Variants in OSBPL8 observed in about 807,000 individuals in gnomAD.
OSBPL8 encodes oxysterol binding protein like 8.
OSBPL8 carries 59 observed loss-of-function variants against 125.5 expected under a neutral mutation model. The ratio of observed to expected loss-of-function variants is 0.47; its 90% CI spans 0.38 to 0.58. OSBPL8 has a LOEUF of 0.58. Ranked by LOEUF, OSBPL8 falls within the 20% of genes least tolerant of loss-of-function variation. The probability of loss-of-function intolerance (pLI) is 0.00; values close to 1 mark genes in which losing one functional copy is unlikely to be tolerated. For missense variants in OSBPL8, 758 were observed against 1,047.8 expected (o/e 0.72, Z 3.82); for synonymous variants, 330 against 338.9 (o/e 0.97, Z 0.29).
At chr12:76,501,114 T>C (rs571659483) in intron 1 of OSBPL8, among the ~76,000 whole-genome samples, 151 of 148,458 alleles carry the variant, frequency 1.0e-3, no homozygotes, top group South Asian at 4.2e-3. Flanking sequence ...CACACACACA[T>C]AGACACATAT....
intron 6 of OSBPL8, among the ~76,000 whole-genome samples, chr12:76,400,981 G>T (rs1954029746): frequency 6.6e-6 from 1 of 151,664 alleles, no homozygotes; most frequent in Admixed American, 6.6e-5. Context: ...TAGAGATGGG[G>T]TTTCACTATG....
At position 76,540,595 on chromosome 12, in the gene OSBPL8, G is replaced by T. The variant is rs111307745; in HGVS notation, c.-68+18802C>A. ...AGGTGGGCTATTTCAGACATAAAGT[G>T]GTGGCAACAGAAGCCAACTTAATGA... On this transcript the variant is annotated intron_variant, in intron 1 of 23. Transcript: ENST00000261183. Among the ~76,000 whole-genome samples, 1,238 of 151,156 alleles carry T rather than the reference G, an allele frequency of 8.2e-3. 15 individuals are homozygous for T. The highest frequency in any genetic ancestry group is 0.029 in the African/African-American group (1,175 of 41,090).
At chr12:76,367,694 C>T (rs1458187946) in intron 21 of OSBPL8, among the ~76,000 whole-genome samples, 1 of 152,056 alleles carries the variant, frequency 6.6e-6, no homozygotes, top group Non-Finnish European at 1.5e-5. Context: ...CAATTCCCTT[C>T]TCATTTTCTT....
intron 1 of OSBPL8, among the ~76,000 whole-genome samples, chr12:76,543,980 C>T (rs372424895): frequency 1.3e-5 from 2 of 152,110 alleles, no homozygotes; most frequent in Admixed American, 1.3e-4. Flanking sequence ...ATAATTCATT[C>T]GCCAACACTT....
At chr12:76,358,630 GA>G in intron 22 of OSBPL8, 75 bp downstream of exon 22, 1 of 1,285,180 alleles carries the variant, frequency 7.8e-7, no homozygotes. Flanking sequence ...GAGTTAATAT[GA>G]AAAACCATAT....
At chr12:76,471,159 G>A (rs1189921266) in intron 2 of OSBPL8, among the ~76,000 whole-genome samples, 1 of 152,004 alleles carries the variant, frequency 6.6e-6, no homozygotes, top group Non-Finnish European at 1.5e-5. Flanking sequence ...TCAGAGCCTC[G>A]GTTTCTTCAT....
chr12:76,358,538 T>C (rs909589239), intron 22 of OSBPL8, among the ~76,000 whole-genome samples, 168 bp downstream of exon 22: 3 of 152,158 alleles, frequency 2.0e-5, no homozygotes, highest in African/African-American at 7.2e-5. Flanking sequence ...TTCTTTACCT[T>C]GCGTCCTGGT....
At chr12:76,500,615 A>G (rs1879801742) in intron 1 of OSBPL8, among the ~76,000 whole-genome samples, 1 of 152,176 alleles carries the variant, frequency 6.6e-6, no homozygotes, top group South Asian at 2.1e-4. Flanking sequence ...ACTTTCCCCA[A>G]TACTTTTATA....
intron 21 of OSBPL8, among the ~76,000 whole-genome samples, chr12:76,364,749 C>G (rs1952348645): frequency 6.6e-6 from 1 of 152,140 alleles, no homozygotes; most frequent in Non-Finnish European, 1.5e-5. Context: ...TACATAAGTA[C>G]CACGTTCCTT....
At chr12:76,442,789 C>G (rs1872337365) in intron 4 of OSBPL8, among the ~76,000 whole-genome samples, 1 of 152,162 alleles carries the variant, frequency 6.6e-6, no homozygotes, top group Non-Finnish European at 1.5e-5. Context: ...AAAATGATTT[C>G]TAGGTCTTTC....
intron 1 of OSBPL8, among the ~76,000 whole-genome samples, chr12:76,519,847 GC>G (rs1488903483): frequency 1.2e-4 from 18 of 152,108 alleles, no homozygotes; most frequent in African/African-American, 4.3e-4. Flanking sequence ...CAAGGAGATG[GC>G]GCTAAACCAT....
intron 1 of OSBPL8, among the ~76,000 whole-genome samples, chr12:76,542,410 T>C (rs769489228): frequency 6.6e-6 from 1 of 152,178 alleles, no homozygotes; most frequent in Non-Finnish European, 1.5e-5. Context: ...AACTTTCTCT[T>C]GCATTCAAAA....
chr12:76,400,453 A>G (rs1341374489), intron 6 of OSBPL8, among the ~76,000 whole-genome samples: 2 of 152,216 alleles, frequency 1.3e-5, no homozygotes, highest in East Asian at 3.9e-4. Context: ...CAGTGCTGCA[A>G]TGAACATATA....
chr12:76,556,347 C>T (rs1275745733), intron 1 of OSBPL8, among the ~76,000 whole-genome samples: 18 of 152,050 alleles, frequency 1.2e-4, no homozygotes, highest in Non-Finnish European at 1.0e-4. Context: ...CCGAAAATAG[C>T]TCTCTCCCTT....
intron 21 of OSBPL8, among the ~76,000 whole-genome samples, chr12:76,365,414 T>C (rs1033433879): frequency 1.1e-4 from 17 of 152,226 alleles, no homozygotes; most frequent in African/African-American, 4.1e-4. Flanking sequence ...TTTCTTAATT[T>C]CAAGTGTTCA....
intron 2 of OSBPL8, among the ~76,000 whole-genome samples, chr12:76,468,962 G>A (rs567009790): frequency 6.6e-6 from 1 of 152,160 alleles, no homozygotes; most frequent in East Asian, 1.9e-4. Flanking sequence ...AGTCACATGT[G>A]GGAAGTGGCT....
Position 76,354,699 on chromosome 12 carries a change from A to T in OSBPL8, c.*1190T>A, listed in dbSNP as rs1241833541. ...TTAAACTGAAGAAACAAACAAAAAA[A>T]TTTGCCTTAGCCTGAACAATAGGAA... On this transcript the variant is annotated 3_prime_UTR_variant, in exon 24 of 24. Transcript: ENST00000261183. 6.6e-6 allele frequency: 1 copy of T among 152,016 alleles called. No individual in the cohort carries two copies. The highest frequency in any genetic ancestry group is 2.4e-5 in the African/African-American group (1 of 41,448). 9.4% of individuals were successfully genotyped at this position (152,016 alleles called of 1,614,324 possible).
intron 4 of OSBPL8, among the ~76,000 whole-genome samples, chr12:76,447,133 G>T (rs551568567): frequency 6.6e-6 from 1 of 152,286 alleles, no homozygotes; most frequent in South Asian, 2.1e-4. Flanking sequence ...TTCAGTTAAT[G>T]ATCATCAAAG....
At chr12:76,487,669 T>C (rs752637018) in intron 1 of OSBPL8, 51 bp from the exon 2 acceptor site, 22 of 646,744 alleles carry the variant, frequency 3.4e-5, no homozygotes, top group Non-Finnish European at 5.1e-5. Flanking sequence ...CTGTGACAAG[T>C]AGAAATAAAG....
Sources: allele counts gnomAD v4.1 joint callset (sites outside exome capture counted in the v4.1 genomes callset), GRCh38; gene constraint gnomAD v4.1.1; transcripts MANE v1.5; gene names NCBI Gene and HGNC (gene_info 2026-07-23, HGNC 2026-07-21).